Variants in CACNA2D3 observed in about 807,000 individuals in gnomAD.
CACNA2D3 encodes the protein voltage-dependent calcium channel subunit alpha-2/delta-3.
In CACNA2D3, 60 loss-of-function variants were observed where a neutral mutation model predicts 160.6. The ratio of observed to expected loss-of-function variants is 0.37; its 90% CI spans 0.30 to 0.46. The LOEUF is 0.46. CACNA2D3 is among the 20% of genes least tolerant of loss of function. The pLI, the probability that CACNA2D3 is intolerant of heterozygous loss-of-function variation, is 1.00. For synonymous variants in CACNA2D3, 558 were observed against 492.9 expected (o/e 1.13, Z -1.75); for missense variants, 1,205 against 1,365.0 (o/e 0.88, Z 1.85).
intron 11 of CACNA2D3, among the ~76,000 whole-genome samples, chr3:54,743,733 T>C (rs1305306766): frequency 6.6e-6 from 1 of 152,202 alleles, no homozygotes; most frequent in Non-Finnish European, 1.5e-5. Context: ...GGCATACCTA[T>C]GAACAAATGG....
intron 2 of CACNA2D3, among the ~76,000 whole-genome samples, chr3:54,245,224 T>A (rs4496522): frequency 0.91 from 137,749 of 151,972 alleles, 62,740 homozygotes; most frequent in African/African-American, 0.97. Flanking sequence ...ATTTTTTTTT[T>A]AAAAAATTTA....
In CACNA2D3 at chr3:54,177,190, T is replaced by TC. The variant is rs1700694878; in HGVS notation, c.204+53598dup. 1.3e-5 allele frequency among the ~76,000 whole-genome samples: 2 copies of TC among 152,218 alleles called. 1 individual carries two copies. Among genetic ancestry groups the TC allele is most frequent in the South Asian group, 4.1e-4 (2 of 4,828 alleles). The stretch of plus-strand genomic sequence containing the variant: ...TCCTACAAATTCCACTTCTCCCAGT[T>TC]CCTTAAGCATAAATACCATCTATCT... On this transcript the variant is annotated intron_variant, in intron 2 of 37. Coordinates refer to ENST00000474759, the MANE Select transcript of CACNA2D3 (RefSeq NM_018398.3).
At chr3:54,241,167 T>C (rs925856939) in intron 2 of CACNA2D3, among the ~76,000 whole-genome samples, 35 of 152,214 alleles carry the variant, frequency 2.3e-4, no homozygotes, top group African/African-American at 8.4e-4. Flanking sequence ...TATCTTTGCT[T>C]TTATTTGCTG....
At chr3:54,967,173 T>G (rs982273453) in intron 27 of CACNA2D3, 7 of 152,164 alleles carry the variant, frequency 4.6e-5, no homozygotes, top group African/African-American at 1.7e-4. Context: ...AGATGGCAAA[T>G]CTCTCCCAAT....
At chr3:54,348,222 C>T (rs1698492931) in intron 3 of CACNA2D3, among the ~76,000 whole-genome samples, 1 of 152,188 alleles carries the variant, frequency 6.6e-6, no homozygotes, top group Admixed American at 6.5e-5. Flanking sequence ...ATGGATTCAA[C>T]ATAGTCAATT....
chr3:55,061,424 A>G (rs1246822656), intron 35 of CACNA2D3, among the ~76,000 whole-genome samples: 1 of 152,130 alleles, frequency 6.6e-6, no homozygotes, highest in African/African-American at 2.4e-5. Context: ...AGATTTTCCA[A>G]CTGCAGGGTG....
intron 2 of CACNA2D3, among the ~76,000 whole-genome samples, chr3:54,134,936 C>T (rs896500437): frequency 3.3e-5 from 5 of 152,238 alleles, no homozygotes; most frequent in African/African-American, 1.2e-4. Flanking sequence ...GAGCACCAAG[C>T]GAGACTGATG....
intron 2 of CACNA2D3, among the ~76,000 whole-genome samples, chr3:54,166,364 G>A (rs1700454952): frequency 6.6e-6 from 1 of 152,138 alleles, no homozygotes; most frequent in African/African-American, 2.4e-5. Flanking sequence ...TCTTAAGCAA[G>A]CAACTTACTG....
In CACNA2D3 at chr3:54,812,639, G is replaced by T. The variant is rs542738563; in HGVS notation, c.1381-4214G>T. On this transcript the variant is annotated intron_variant, in intron 13 of 37. Coordinates refer to ENST00000474759, the MANE Select transcript of CACNA2D3 (RefSeq NM_018398.3). ...TTCTCATCCCTGCTTTCTCTTCTGG[G>T]TGATGCCCAGATGGAATGGCCCATG... 1.5e-3 allele frequency among the ~76,000 whole-genome samples: 229 copies of T among 152,254 alleles called. 3 individuals carry two copies. The highest frequency in any genetic ancestry group is 5.1e-3 in the African/African-American group (213 of 41,562).
Position 54,899,866 on chromosome 3 carries a change from C to T in CACNA2D3, c.2447C>T (p.Ala816Val). 6.3e-7 allele frequency: 1 copy of T among 1,590,840 alleles called. No individual in the cohort carries two copies. Among genetic ancestry groups the T allele is most frequent in the Non-Finnish European group, 8.6e-7 (1 of 1,166,286 alleles). ...LLDERKSPVV[A>V]AVGIQMKLEF... ...GATGAACGGAAATCTCCTGTGGTGG[C>T]AGGTAAATAATTGATTGAATCCATG... The change falls in exon 27 of 38, where the codon GCA becomes GTA. Residue 816 changes from alanine to valine, a missense_variant and splice_region_variant. Transcript: ENST00000474759.
At chr3:54,879,627 C>T (rs930558030) in intron 20 of CACNA2D3, among the ~76,000 whole-genome samples, 1 of 152,212 alleles carries the variant, frequency 6.6e-6, no homozygotes, top group Non-Finnish European at 1.5e-5. Context: ...CTCAATCTGC[C>T]ATGGCTTTGC....
chr3:54,940,704 G>C (rs1050393125), intron 27 of CACNA2D3, among the ~76,000 whole-genome samples: 3 of 152,166 alleles, frequency 2.0e-5, no homozygotes, highest in African/African-American at 7.2e-5. Flanking sequence ...TGTATGAAAA[G>C]TCTTTGTACT....
At chr3:54,798,013 T>C (rs191754981) in intron 13 of CACNA2D3, among the ~76,000 whole-genome samples, 1 of 152,302 alleles carries the variant, frequency 6.6e-6, no homozygotes, top group East Asian at 1.9e-4. Flanking sequence ...CTTTGATAGG[T>C]GCCCCTCTCC....
At chr3:54,390,068 T>G (rs1478334525) in intron 4 of CACNA2D3, among the ~76,000 whole-genome samples, 4 of 152,112 alleles carry the variant, frequency 2.6e-5, no homozygotes, top group Admixed American at 2.6e-4. Context: ...CTTTGTAAAA[T>G]CTGTTATTTA....
intron 13 of CACNA2D3, among the ~76,000 whole-genome samples, chr3:54,772,418 A>G (rs1702337382): frequency 6.6e-6 from 1 of 152,106 alleles, no homozygotes; most frequent in South Asian, 2.1e-4. Flanking sequence ...AGTTCAAGAT[A>G]AAAGTTTAGC....
intron 2 of CACNA2D3, among the ~76,000 whole-genome samples, chr3:54,184,782 G>A (rs1700851091): frequency 1.3e-5 from 2 of 152,218 alleles, no homozygotes; most frequent in African/African-American, 4.8e-5. Flanking sequence ...GTGAAATGGA[G>A]GGAGGTTGCC....
At position 55,056,361 on chromosome 3, in the gene CACNA2D3, T is replaced by G. The variant is rs184224479; in HGVS notation, c.2988-17084T>G. Among the ~76,000 whole-genome samples the G allele has an allele frequency of 2.1e-3, 315 of 152,328 alleles. 2 individuals are homozygous for G. Among genetic ancestry groups the G allele is most frequent in the African/African-American group, 7.2e-3 (301 of 41,586 alleles). ...AAACTTTGTACACTTTTGGTGGGAA[T>G]GTAAATTAGTACAGCCATTATAGAA... On this transcript the variant is annotated intron_variant, in intron 35 of 37. Coordinates refer to ENST00000474759, the MANE Select transcript of CACNA2D3 (RefSeq NM_018398.3).
At position 54,281,827 on chromosome 3, in the gene CACNA2D3, G is replaced by A. The variant is rs577568009; in HGVS notation, c.205-38615G>A. On this transcript the variant is annotated intron_variant, in intron 2 of 37. Transcript: ENST00000474759. ...AGTTAAGAATGGATGTTCAGTCTCC[G>A]TGGGTTTGATGTGACCAGTTGACAG... Among the ~76,000 whole-genome samples, 16 of 152,284 alleles carry A rather than the reference G, an allele frequency of 1.1e-4. No individual in the cohort carries two copies. In the South Asian group the frequency reaches 2.1e-3, roughly 20 times the overall value.
At chr3:54,852,492 T>C (rs1252906365) in intron 17 of CACNA2D3, among the ~76,000 whole-genome samples, 1 of 152,142 alleles carries the variant, frequency 6.6e-6, no homozygotes, top group Non-Finnish European at 1.5e-5. Flanking sequence ...TCCTCGCACC[T>C]CCGCTGGAAT....
Sources: allele counts gnomAD v4.1 joint callset (sites outside exome capture counted in the v4.1 genomes callset), GRCh38; gene constraint gnomAD v4.1.1; transcripts MANE v1.5; gene names NCBI Gene and HGNC (gene_info 2026-07-23, HGNC 2026-07-21).